STXBP5L: variants seen among roughly 807,000 people sequenced by gnomAD.
STXBP5L encodes the protein syntaxin-binding protein 5-like.
Under a neutral mutation model 144.5 loss-of-function variants are expected in STXBP5L, and 65 were observed. The observed-to-expected ratio is 0.45, with a 90% confidence interval of 0.37 to 0.55. The LOEUF is 0.55. Among genes scored for constraint, STXBP5L ranks in the 20% least tolerant of loss-of-function variants. STXBP5L has a pLI of 0.00. For synonymous variants in STXBP5L, 505 were observed against 469.6 expected, an observed-to-expected ratio of 1.08 and a Z score of -0.97; for missense variants, 1,298 against 1,405.5, an observed-to-expected ratio of 0.92 and a Z score of 1.22.
intron 5 of STXBP5L, among the ~76,000 whole-genome samples, chr3:121,090,544 G>A (rs1404982377): frequency 6.6e-6 from 1 of 152,076 alleles, no homozygotes; most frequent in Non-Finnish European, 1.5e-5. Flanking sequence ...CAGAAATCAT[G>A]GCTTTTGCTC....
At chr3:121,054,292 G>A (rs563220400) in intron 5 of STXBP5L, among the ~76,000 whole-genome samples, 5 of 152,176 alleles carry the variant, frequency 3.3e-5, no homozygotes, top group Admixed American at 2.6e-4. Context: ...ACATGTGCAC[G>A]AATGTTTATT....
chr3:121,284,299 G>A (rs998676555), intron 19 of STXBP5L, among the ~76,000 whole-genome samples: 1 of 151,586 alleles, frequency 6.6e-6, no homozygotes, highest in African/African-American at 2.4e-5. Context: ...CTACCATTAT[G>A]TTTTACTCAT....
At chr3:121,365,422 A>AT (rs34860613) in intron 20 of STXBP5L, among the ~76,000 whole-genome samples, 10 of 150,706 alleles carry the variant, frequency 6.6e-5, no homozygotes, top group Admixed American at 6.6e-5. Context: ...TAATCAGAAG[A>AT]TTTTTTTTTG....
At chr3:121,002,709 C>G (rs1441643233) in intron 3 of STXBP5L, among the ~76,000 whole-genome samples, 3 of 151,554 alleles carry the variant, frequency 2.0e-5, no homozygotes, top group Non-Finnish European at 4.4e-5. Flanking sequence ...TCCCCCAGCC[C>G]CCCACCCCAC....
At chr3:121,065,360 T>G (rs940481981) in intron 5 of STXBP5L, among the ~76,000 whole-genome samples, 4 of 152,104 alleles carry the variant, frequency 2.6e-5, no homozygotes, top group African/African-American at 7.2e-5. Flanking sequence ...TATACATATT[T>G]TATAATATAT....
intron 5 of STXBP5L, among the ~76,000 whole-genome samples, chr3:121,052,787 G>T (rs1249152560): frequency 1.3e-5 from 2 of 152,060 alleles, no homozygotes; most frequent in African/African-American, 4.8e-5. Flanking sequence ...ATTCAATTAG[G>T]AAAAGAGAAA....
chr3:121,139,435 C>T (rs2045402736), intron 7 of STXBP5L, among the ~76,000 whole-genome samples: 2 of 152,014 alleles, frequency 1.3e-5, no homozygotes, highest in African/African-American at 4.8e-5. Flanking sequence ...AGTACCATTA[C>T]ACATGAAACA....
chr3:121,152,399 T>A, intron 7 of STXBP5L, 78 bp from the exon 8 acceptor site: 1 of 1,062,176 alleles, frequency 9.4e-7, no homozygotes, highest in South Asian at 1.5e-5. Flanking sequence ...GATTTTACTT[T>A]ATTAACATTA....
At chr3:121,254,539 A>G (rs1191441810) in intron 15 of STXBP5L, among the ~76,000 whole-genome samples, 11 of 152,202 alleles carry the variant, frequency 7.2e-5, no homozygotes, top group Non-Finnish European at 1.5e-5. Context: ...TCCGCTAGGG[A>G]AGAATTATTT....
At chr3:121,072,526 A>G (rs2041850587) in intron 5 of STXBP5L, among the ~76,000 whole-genome samples, 1 of 152,256 alleles carries the variant, frequency 6.6e-6, no homozygotes, top group Non-Finnish European at 1.5e-5. Flanking sequence ...TGCGATGGCA[A>G]GCCTCCCATC....
intron 3 of STXBP5L, among the ~76,000 whole-genome samples, chr3:120,957,146 T>A (rs1938123982): frequency 6.6e-6 from 1 of 151,986 alleles, no homozygotes; most frequent in Non-Finnish European, 1.5e-5. Flanking sequence ...TAGGGTTTGT[T>A]TGTGGGCTCT....
chr3:121,027,578 C>T (rs756852451), intron 3 of STXBP5L, among the ~76,000 whole-genome samples: 1 of 152,038 alleles, frequency 6.6e-6, no homozygotes, highest in Non-Finnish European at 1.5e-5. Flanking sequence ...CCTCAAAGTC[C>T]ACAGTGGTCA....
chr3:121,250,334 C>A (rs2049990349), intron 14 of STXBP5L, among the ~76,000 whole-genome samples: 1 of 151,860 alleles, frequency 6.6e-6, no homozygotes, highest in Non-Finnish European at 1.5e-5. Flanking sequence ...TATTTTGAAA[C>A]TTAACTGAAT....
chr3:120,944,156 T>C (rs556082742), intron 2 of STXBP5L, among the ~76,000 whole-genome samples: 9 of 150,910 alleles, frequency 6.0e-5, no homozygotes, highest in African/African-American at 1.5e-4. Context: ...GTATGTGTAA[T>C]GGGGGTAGGT....
chr3:120,977,894 G>T (rs1941268423), intron 3 of STXBP5L, among the ~76,000 whole-genome samples: 1 of 152,240 alleles, frequency 6.6e-6, no homozygotes, highest in Non-Finnish European at 1.5e-5. Context: ...CTGGCTTGCA[G>T]ATTTTCTGCC....
At chr3:121,389,792 T>G (rs1269538749) in intron 22 of STXBP5L, among the ~76,000 whole-genome samples, 1 of 152,248 alleles carries the variant, frequency 6.6e-6, no homozygotes, top group Middle Eastern at 3.4e-3. Flanking sequence ...TACTGAGGAG[T>G]GCTTTACTTC....
intron 6 of STXBP5L, among the ~76,000 whole-genome samples, chr3:121,120,774 G>A (rs947524434): frequency 5.9e-5 from 9 of 151,288 alleles, no homozygotes; most frequent in Non-Finnish European, 1.0e-4. Context: ...TAGTTTTCAT[G>A]TGTGCTTAAG....
intron 5 of STXBP5L, among the ~76,000 whole-genome samples, chr3:121,096,565 T>C (rs1294517214): frequency 6.6e-6 from 1 of 152,142 alleles, no homozygotes; most frequent in African/African-American, 2.4e-5. Context: ...TTCGTTTCTG[T>C]TTGTTAGTTT....
At chr3:121,034,487 C>G (rs1020886152) in intron 3 of STXBP5L, among the ~76,000 whole-genome samples, 1 of 152,030 alleles carries the variant, frequency 6.6e-6, no homozygotes, top group African/African-American at 2.4e-5. Flanking sequence ...GAATAGTATT[C>G]CATTATATAT....
Sources: gnomAD v4.1 joint callset for allele counts (sites outside exome capture counted in the v4.1 genomes callset) on GRCh38, gnomAD v4.1.1 for gene constraint, MANE v1.5 for transcripts, NCBI Gene and HGNC (gene_info 2026-07-23, HGNC 2026-07-21) for gene names.